Variants in APLF observed in about 807,000 individuals in gnomAD.
The protein encoded by APLF is aprataxin and PNK-like factor.
In APLF, 61 loss-of-function variants were observed where a neutral mutation model predicts 55.6. The ratio of observed to expected loss-of-function variants is 1.10; its 90% CI spans 0.89 to 1.36. APLF has a LOEUF of 1.36. Ranked by LOEUF, APLF falls within the 40% of genes most tolerant of loss-of-function variation. The pLI is 0.00. For missense variants in APLF, 611 were observed against 602.5 expected (o/e 1.01, Z -0.15); for synonymous variants, 207 against 214.8 (o/e 0.96, Z 0.32).
chr2:68,550,084 G>T (rs548918286), intron 8 of APLF, among the ~76,000 whole-genome samples: 1 of 152,130 alleles, frequency 6.6e-6, no homozygotes, highest in Admixed American at 6.5e-5. Context: ...TGTGGTTAGT[G>T]TTTGTGTAAT....
chr2:68,502,619 T>C lies in APLF; in HGVS notation c.169-112T>C, dbSNP rs1003802435. On this transcript the variant is annotated intron_variant, in intron 2 of 9. Coordinates refer to ENST00000303795, the MANE Select transcript of APLF (RefSeq NM_173545.3). ...TAAGTTTATGCTTAAATTTTTTTGATACCAAAATTATGAATTCATATTTAA... is the reference window on the plus strand; with the variant it reads ...TAAGTTTATGCTTAAATTTTTTTGACACCAAAATTATGAATTCATATTTAA... The C allele has an allele frequency of 3.2e-5, 22 of 697,924 alleles. No individual in the cohort carries two copies. In the Admixed American group the frequency reaches 3.8e-4, roughly 12 times the overall value. The allele number at this position is 697,924 out of a possible 1,614,324, so 43.2% of individuals were successfully genotyped here.
intron 7 of APLF, 107 bp from the exon 8 acceptor site, chr2:68,545,080 A>G (rs1670662963): frequency 1.8e-5 from 24 of 1,312,290 alleles, no homozygotes; most frequent in Non-Finnish European, 2.5e-5. Context: ...ATGTTGGTTT[A>G]TGTTCAAGGA....
At chr2:68,498,364 T>A (rs979009110) in intron 2 of APLF, among the ~76,000 whole-genome samples, 1 of 152,250 alleles carries the variant, frequency 6.6e-6, no homozygotes, top group Non-Finnish European at 1.5e-5. Context: ...AAATTATATT[T>A]AAGTGATTAA....
rs111883025 is a variant in APLF, at chr2:68,522,714, C to T, written c.623-3347C>T. Among the ~76,000 whole-genome samples the T allele has an allele frequency of 2.6e-4, 39 of 151,832 alleles. 1 individual carries two copies. The highest frequency in any genetic ancestry group is 8.4e-4 in the African/African-American group (35 of 41,468). On this transcript the variant is annotated intron_variant, in intron 5 of 9. Transcript: ENST00000303795. ...CACCCAGAAACAGATAAGAAAAATA[C>T]GTTTAATTTATAAACACATATCAGT...
At chr2:68,538,890 T>C (rs1329402278) in intron 7 of APLF, among the ~76,000 whole-genome samples, 1 of 152,182 alleles carries the variant, frequency 6.6e-6, no homozygotes, top group Non-Finnish European at 1.5e-5. Flanking sequence ...CCAAATATCC[T>C]AGCAATCCTT....
intron 1 of APLF, among the ~76,000 whole-genome samples, chr2:68,480,241 G>T: frequency 6.7e-6 from 1 of 150,232 alleles, no homozygotes; most frequent in South Asian, 2.1e-4. Flanking sequence ...GTAAGATCAT[G>T]TTATCTACAA....
chr2:68,498,032 GTCTACAA>G (rs1676611336), intron 2 of APLF, among the ~76,000 whole-genome samples: 1 of 152,128 alleles, frequency 6.6e-6, no homozygotes, highest in Non-Finnish European at 1.5e-5. Flanking sequence ...TAGCTGCACT[GTCTACAA>G]GGTGCAATTT....
rs1343394169 is a variant in APLF, at chr2:68,517,299, ATTACTATATAATATATTAATATATGTC to A, written c.622+3620_622+3646del. 7.3e-3 allele frequency among the ~76,000 whole-genome samples: 902 copies of A among 123,206 alleles called. 16 individuals are homozygous for A. Among genetic ancestry groups the A allele is most frequent in the African/African-American group, 0.029 (855 of 29,916 alleles). 80.8% of individuals were successfully genotyped at this position (123,206 alleles called of 152,430 possible). On this transcript the variant is annotated intron_variant, in intron 5 of 9. Transcript: ENST00000303795. ...ACTATATAATATATTAATATATGTC[ATTACTATATAATATATTAATATATGTC>A]ATTACTATATAATATATTAATATAT...
At chr2:68,480,587 C>T (rs1675922548) in intron 1 of APLF, among the ~76,000 whole-genome samples, 1 of 151,936 alleles carries the variant, frequency 6.6e-6, no homozygotes, top group East Asian at 1.9e-4. Context: ...CAGATGTGAG[C>T]TACCATGCCC....
At chr2:68,547,136 A>G (rs889862179) in intron 8 of APLF, among the ~76,000 whole-genome samples, 9 of 151,814 alleles carry the variant, frequency 5.9e-5, no homozygotes, top group African/African-American at 2.2e-4. Context: ...AGATTATAAC[A>G]TCAAAAAGTA....
Position 68,490,268 on chromosome 2 carries a change from A to G in APLF, c.168+7A>G, listed in dbSNP as rs199525539. ...TCAGCTGCGAATCAAACCGGTAAATATGTTATTAATGATTCATTTTAACTT... is the reference window on the plus strand; with the variant it reads ...TCAGCTGCGAATCAAACCGGTAAATGTGTTATTAATGATTCATTTTAACTT... On this transcript the variant is annotated splice_region_variant and intron_variant, in intron 2 of 9. Coordinates refer to ENST00000303795, the MANE Select transcript of APLF (RefSeq NM_173545.3). 6.2e-6 allele frequency: 10 copies of G among 1,608,354 alleles called. No individual in the cohort carries two copies. The highest frequency in any genetic ancestry group is 8.5e-6 in the Non-Finnish European group (10 of 1,177,780).
At chr2:68,508,616 T>C (rs983739099) in intron 3 of APLF, among the ~76,000 whole-genome samples, 3 of 151,950 alleles carry the variant, frequency 2.0e-5, no homozygotes, top group Non-Finnish European at 4.4e-5. Context: ...TTCATTACAC[T>C]TAAAAGTTCT....
chr2:68,509,598 G>T (rs527312112), intron 3 of APLF, among the ~76,000 whole-genome samples: 2 of 152,084 alleles, frequency 1.3e-5, no homozygotes, highest in Non-Finnish European at 2.9e-5. Flanking sequence ...GGAGAAATAG[G>T]AACACTTTTA....
At chr2:68,568,196 T>C in intron 9 of APLF, 2 of 840,440 alleles carry the variant, frequency 2.4e-6, no homozygotes, top group Non-Finnish European at 2.9e-6. Flanking sequence ...TTTTCTTCTT[T>C]AATAAAATCT....
intron 8 of APLF, among the ~76,000 whole-genome samples, chr2:68,565,679 A>G (rs562127392): frequency 3.9e-5 from 6 of 152,210 alleles, no homozygotes; most frequent in South Asian, 2.1e-4. Context: ...TACCAATATC[A>G]CAATAGTATC....
chr2:68,495,340 TC>T lies in APLF; in HGVS notation c.168+5082del, dbSNP rs371496242. The stretch of plus-strand genomic sequence containing the variant: ...TGGGGGTATAGGCATTGGGTAGACA[TC>T]CCTGTTTCAAAACAAAGGGTCTGTA... On this transcript the variant is annotated intron_variant, in intron 2 of 9. Transcript: ENST00000303795. 2.3e-3 allele frequency among the ~76,000 whole-genome samples: 343 copies of T among 152,284 alleles called. 2 individuals are homozygous for T. The highest frequency in any genetic ancestry group is 7.8e-3 in the African/African-American group (326 of 41,554).
At chr2:68,484,461 G>C (rs1039676070) in intron 1 of APLF, among the ~76,000 whole-genome samples, 4 of 152,028 alleles carry the variant, frequency 2.6e-5, no homozygotes, top group Non-Finnish European at 4.4e-5. Flanking sequence ...GGCAGAGGTG[G>C]GTGGATCATT....
chr2:68,481,112 G>A (rs142390627), intron 1 of APLF, among the ~76,000 whole-genome samples: 1,621 of 152,198 alleles, frequency 0.011, 35 homozygotes, highest in African/African-American at 0.037. Flanking sequence ...TTGGTTTCAG[G>A]GTAATACTGG....
rs180917852 is a variant in APLF, at chr2:68,481,922, G to T, written c.97-8268G>T. Among the ~76,000 whole-genome samples, 24 of 151,928 alleles carry T rather than the reference G, an allele frequency of 1.6e-4. 1 individual carries two copies. The highest frequency in any genetic ancestry group is 5.5e-4 in the African/African-American group (23 of 41,466). ...TTTATTTTATTCTCTGAATTCCTCAGCTGTAAGATTTCTGTTTGGTTATTT... is the reference window on the plus strand; with the variant it reads ...TTTATTTTATTCTCTGAATTCCTCATCTGTAAGATTTCTGTTTGGTTATTT... On this transcript the variant is annotated intron_variant, in intron 1 of 9. Coordinates refer to ENST00000303795, the MANE Select transcript of APLF (RefSeq NM_173545.3).
Sources: gnomAD v4.1 joint callset for allele counts (sites outside exome capture counted in the v4.1 genomes callset) on GRCh38, gnomAD v4.1.1 for gene constraint, MANE v1.5 for transcripts, NCBI Gene and HGNC (gene_info 2026-07-23, HGNC 2026-07-21) for gene names.